ERICH1: variants seen among roughly 807,000 people sequenced by gnomAD.
The protein encoded by ERICH1 is glutamate rich 1, also known as glutamate-rich protein 1.
ERICH1 carries 56 observed loss-of-function variants against 39.6 expected under a neutral mutation model. That is an observed-to-expected ratio of 1.41 (90% CI 1.14 to 1.77). ERICH1 has a LOEUF of 1.77. Among genes scored for constraint, ERICH1 ranks in the 40% most tolerant of loss-of-function variants. The pLI is 0.00. For missense variants in ERICH1, 826 were observed against 575.4 expected (o/e 1.44, Z -4.45); for synonymous variants, 313 against 223.6 (o/e 1.40, Z -3.57).
intron 3 of ERICH1, among the ~76,000 whole-genome samples, chr8:641,459 T>A (rs1329399556): frequency 6.6e-6 from 1 of 152,244 alleles, no homozygotes; most frequent in African/African-American, 2.4e-5. Flanking sequence ...TATGCAAAGT[T>A]ACATTGACAG....
intron 2 of ERICH1, among the ~76,000 whole-genome samples, chr8:698,873 G>A (rs566556095): frequency 6.6e-6 from 1 of 150,792 alleles, no homozygotes; most frequent in East Asian, 2.0e-4. Flanking sequence ...ATGCCACGAA[G>A]TAGCATCCTA....
chr8:636,816 C>T (rs978052132), intron 3 of ERICH1, among the ~76,000 whole-genome samples: 10 of 152,242 alleles, frequency 6.6e-5, no homozygotes, highest in Non-Finnish European at 1.5e-4. Context: ...TGGGCTCTGC[C>T]CTCCCGTCCA....
At chr8:617,666 C>T (rs550753479) in intron 3 of ERICH1, among the ~76,000 whole-genome samples, 6 of 149,514 alleles carry the variant, frequency 4.0e-5, no homozygotes, top group South Asian at 2.1e-4. Context: ...GCTGGGTGCT[C>T]GGTCTATCCT....
chr8:714,883 G>T (rs1455551441), intron 2 of ERICH1, among the ~76,000 whole-genome samples: 1 of 152,034 alleles, frequency 6.6e-6, no homozygotes, highest in Non-Finnish European at 1.5e-5. Context: ...GTCTCTCGGT[G>T]GGATGTGCTG....
chr8:663,508 G>A (rs1294816748), downstream of ERICH1, among the ~76,000 whole-genome samples: 1 of 117,964 alleles, frequency 8.5e-6, no homozygotes, highest in Non-Finnish European at 1.7e-5. Flanking sequence ...TCTGGGACAC[G>A]GATGCTCACA....
intron 3 of ERICH1, among the ~76,000 whole-genome samples, chr8:642,457 G>A (rs1979175): frequency 0.53 from 79,275 of 148,820 alleles, 21,127 homozygotes; most frequent in Non-Finnish European, 0.58. Flanking sequence ...CCATTCTCCT[G>A]CCTCAGCCTC....
chr8:661,813 G>C (rs1283468538), downstream of ERICH1, among the ~76,000 whole-genome samples: 1 of 152,244 alleles, frequency 6.6e-6, no homozygotes, highest in African/African-American at 2.4e-5. Flanking sequence ...TCAGGGTCAG[G>C]AAAGTGAATG....
intron 1 of ERICH1, among the ~76,000 whole-genome samples, chr8:729,916 G>A (rs567783194): frequency 1.3e-5 from 2 of 152,090 alleles, no homozygotes; most frequent in Non-Finnish European, 2.9e-5. Context: ...ACATTTGAAG[G>A]AATGTAAGAG....
At chr8:708,529 C>T (rs1813824131) in intron 2 of ERICH1, among the ~76,000 whole-genome samples, 1 of 152,038 alleles carries the variant, frequency 6.6e-6, no homozygotes, top group Non-Finnish European at 1.5e-5. Context: ...AATTATGCTA[C>T]ATGAAAAAAC....
downstream of ERICH1, among the ~76,000 whole-genome samples, chr8:661,780 T>A (rs1449030583): frequency 6.6e-6 from 1 of 152,264 alleles, no homozygotes. Flanking sequence ...CCTGCTCGAC[T>A]GTACCTCTAT....
downstream of ERICH1, among the ~76,000 whole-genome samples, chr8:660,208 C>T (rs2131737831): frequency 1.3e-5 from 2 of 152,308 alleles, no homozygotes; most frequent in Middle Eastern, 6.8e-3. Context: ...AGTGTCATGG[C>T]CTCCCCTCCA....
At chr8:618,491 C>T (rs1321622837) in intron 3 of ERICH1, among the ~76,000 whole-genome samples, 5 of 152,190 alleles carry the variant, frequency 3.3e-5, no homozygotes, top group South Asian at 2.1e-4. Context: ...GTCCTCACTG[C>T]CCGGAGCAGT....
chr8:688,387 G>T (rs1351697122), intron 3 of ERICH1, among the ~76,000 whole-genome samples: 1 of 74,000 alleles, frequency 1.4e-5, no homozygotes, highest in East Asian at 3.3e-4. Flanking sequence ...CCCTCCGCAG[G>T]CTCCAGAGGC....
At chr8:729,571 C>A (rs1262049553) in intron 1 of ERICH1, among the ~76,000 whole-genome samples, 1 of 152,230 alleles carries the variant, frequency 6.6e-6, no homozygotes, top group Non-Finnish European at 1.5e-5. Flanking sequence ...CCGATGGGCT[C>A]TTCAGGTGAT....
chr8:712,453 G>A (rs545291852), intron 2 of ERICH1, among the ~76,000 whole-genome samples: 7 of 152,018 alleles, frequency 4.6e-5, no homozygotes, highest in Non-Finnish European at 1.0e-4. Flanking sequence ...TTTTTGAGAC[G>A]GAGTCTTGCT....
At chr8:687,234 G>T (rs967096095) in intron 3 of ERICH1, among the ~76,000 whole-genome samples, 1 of 152,190 alleles carries the variant, frequency 6.6e-6, no homozygotes, top group African/African-American at 2.4e-5. Flanking sequence ...AGCTGGATCT[G>T]AGCACAGAAT....
intron 3 of ERICH1, among the ~76,000 whole-genome samples, chr8:643,005 G>A (rs541048672): frequency 3.9e-5 from 6 of 152,278 alleles, no homozygotes; most frequent in African/African-American, 7.2e-5. Context: ...AACAAACTGC[G>A]GGTTTTGCTG....
intron 3 of ERICH1, among the ~76,000 whole-genome samples, chr8:634,733 T>G (rs1798291793): frequency 6.6e-6 from 1 of 152,176 alleles, no homozygotes; most frequent in Non-Finnish European, 1.5e-5. Flanking sequence ...GCTGTGACAC[T>G]GAGTCCCACG....
intron 3 of ERICH1, among the ~76,000 whole-genome samples, chr8:619,970 A>G (rs978964757): frequency 6.6e-6 from 1 of 152,238 alleles, no homozygotes; most frequent in African/African-American, 2.4e-5. Context: ...ATAGCCACTT[A>G]ATATGAAAAA....
Sources: allele counts gnomAD v4.1 joint callset (sites outside exome capture counted in the v4.1 genomes callset), GRCh38; gene constraint gnomAD v4.1.1; transcripts MANE v1.5; gene names NCBI Gene and HGNC (gene_info 2026-07-23, HGNC 2026-07-21).